FANCA: variants seen among roughly 807,000 people sequenced by gnomAD.
FANCA encodes Fanconi anemia group A protein.
A neutral mutation model predicts 194.3 loss-of-function variants in FANCA; 236 were observed. The ratio of observed to expected loss-of-function variants is 1.21; its 90% CI spans 1.09 to 1.35. The LOEUF (loss-of-function observed/expected upper bound fraction) is 1.35, where lower values mean the gene tolerates loss of function less well. Ranked by LOEUF, FANCA falls within the 40% of genes most tolerant of loss-of-function variation. The pLI is 0.00. For missense variants in FANCA, 2,628 were observed against 1,813.9 expected (o/e 1.45, Z -8.15); for synonymous variants, 1,014 against 715.8 (o/e 1.42, Z -6.65).
intron 29 of FANCA, among the ~76,000 whole-genome samples, chr16:89,760,934 C>A (rs1273641818): frequency 6.6e-6 from 1 of 152,134 alleles, no homozygotes; most frequent in East Asian, 1.9e-4. Flanking sequence ...GCAGCCATAG[C>A]CCAGCCAGGG....
chr16:89,805,778 T>TGTTG (rs148537207), intron 6 of FANCA, among the ~76,000 whole-genome samples: 2 of 97,178 alleles, frequency 2.1e-5, no homozygotes, highest in Non-Finnish European at 3.7e-5. Flanking sequence ...TGACTCATTA[T>TGTTG]GTTAACTTTC....
At chr16:89,770,528 G>A (rs754555851) in intron 24 of FANCA, 36 bp downstream of exon 24, 83 of 1,566,392 alleles carry the variant, frequency 5.3e-5, no homozygotes, top group African/African-American at 6.8e-5. Flanking sequence ...GCACCCAGAG[G>A]AGCCCCACCA....
intron 37 of FANCA, among the ~76,000 whole-genome samples, chr16:89,742,294 G>GA (rs1250804294): frequency 6.6e-6 from 1 of 151,678 alleles, no homozygotes; most frequent in Non-Finnish European, 1.5e-5. Flanking sequence ...CCCCATCTCA[G>GA]AAAAAATTAC....
chr16:89,812,962 G>A (rs1170797835), intron 3 of FANCA, among the ~76,000 whole-genome samples: 2 of 151,014 alleles, frequency 1.3e-5, no homozygotes, highest in Admixed American at 1.3e-4. Flanking sequence ...GAACCCAGGA[G>A]GCAGAGTTTG....
chr16:89,767,838 G>A (rs913301820), intron 26 of FANCA, among the ~76,000 whole-genome samples: 4 of 152,110 alleles, frequency 2.6e-5, no homozygotes, highest in Admixed American at 1.3e-4. Flanking sequence ...ATGAGTCACT[G>A]CAACCAGTCG....
At position 89,740,827 on chromosome 16, in the gene FANCA, G is replaced by A. The variant is rs757641646; in HGVS notation, c.3805C>T (p.Leu1269=). ...ACATTTGAGGTCAGATGTGACGACA[G>A]CAGGCCCATCAAGGAGAAGAAGAAA... ...FLFFFSLMGL[L]SSHLTSNSTT... Residue 1269 remains leucine (L), a synonymous_variant, in exon 38 of 43, where the codon CTG becomes TTG. Coordinates refer to ENST00000389301, the MANE Select transcript of FANCA (RefSeq NM_000135.4). 5 of 1,613,542 alleles carry A rather than the reference G, an allele frequency of 3.1e-6. No individual in the cohort carries two copies. In the South Asian group the frequency reaches 4.4e-5, roughly 14 times the overall value.
At chr16:89,774,501 C>T (rs1214462019) in intron 21 of FANCA, among the ~76,000 whole-genome samples, 6 of 151,850 alleles carry the variant, frequency 4.0e-5, no homozygotes, top group Admixed American at 2.0e-4. Flanking sequence ...GAGGCCGAGG[C>T]GGGTGGATCA....
intron 14 of FANCA, chr16:89,791,118 G>C (rs1396100274): frequency 2.1e-6 from 1 of 471,552 alleles, no homozygotes; most frequent in Non-Finnish European, 3.9e-6. Flanking sequence ...GACAGCAGGA[G>C]GCTCCGTCAA....
chr16:89,812,641 C>A (rs144800593), intron 3 of FANCA, among the ~76,000 whole-genome samples: 5 of 65,844 alleles, frequency 7.6e-5, no homozygotes, highest in Admixed American at 1.6e-4. Flanking sequence ...AGCAATACTC[C>A]GTCTCAAAAA....
intron 31 of FANCA, among the ~76,000 whole-genome samples, chr16:89,750,477 C>T (rs1248063568): frequency 8.7e-6 from 1 of 114,312 alleles, no homozygotes; most frequent in East Asian, 3.4e-4. Flanking sequence ...AGTGAGACTC[C>T]GTCTCAAAAA....
At chr16:89,805,662 C>T (rs1217960522) in intron 6 of FANCA, among the ~76,000 whole-genome samples, 1 of 152,138 alleles carries the variant, frequency 6.6e-6, no homozygotes, top group African/African-American at 2.4e-5. Context: ...ACTCAAACTC[C>T]CGGGCTCAAA....
chr16:89,779,034 G>A (rs370132366), intron 18 of FANCA, 31 bp from the exon 19 acceptor site: 18 of 1,608,938 alleles, frequency 1.1e-5, no homozygotes, highest in Non-Finnish European at 1.5e-5. Flanking sequence ...CAGTGCATCA[G>A]TCAGAGCAGC....
At chr16:89,762,076 C>G (rs17226841) in intron 28 of FANCA, 54 bp from the exon 29 acceptor site, 14 of 1,388,802 alleles carry the variant, frequency 1.0e-5, no homozygotes, top group Admixed American at 3.3e-5. Context: ...CACAATCCAC[C>G]GACAGGTTTA....
chr16:89,801,613 G>C (rs1198045414), intron 8 of FANCA, among the ~76,000 whole-genome samples: 1 of 152,156 alleles, frequency 6.6e-6, no homozygotes, highest in African/African-American at 2.4e-5. Context: ...ACTTTCACCA[G>C]GCATGGTGGA....
chr16:89,738,941 G>C lies in FANCA; in HGVS notation c.4201C>G (p.Leu1401Val), dbSNP rs566927763. The C allele has an allele frequency of 6.2e-7, 1 of 1,614,250 alleles. No individual in the cohort carries two copies. The highest frequency in any genetic ancestry group is 1.3e-5 in the African/African-American group (1 of 75,070). Residue 1401 changes from leucine (L) to valine (V), a missense_variant, in exon 42 of 43, where the codon CTT becomes GTT. By Grantham distance (32) the Leu-to-Val change is conservative. Coordinates refer to ENST00000389301, the MANE Select transcript of FANCA (RefSeq NM_000135.4). Reference protein sequence around the residue: ...NPVELITKARLFLLQLIPRCP... With the variant: ...NPVELITKARVFLLQLIPRCP... ...CGAGGTATTAACTGCAGCAGAAAAA[G>C]ACGAGCTTTTGTTATCAGTTCCACG...
intron 17 of FANCA, among the ~76,000 whole-genome samples, chr16:89,780,214 G>C (rs144976003): frequency 2.0e-5 from 3 of 152,052 alleles, no homozygotes; most frequent in Non-Finnish European, 2.9e-5. Context: ...GGCCCTCCTC[G>C]AGAGCTCAGC....
At chr16:89,794,830 C>A (rs963144084) in intron 11 of FANCA, among the ~76,000 whole-genome samples, 2 of 152,204 alleles carry the variant, frequency 1.3e-5, no homozygotes, top group Admixed American at 1.3e-4. Context: ...ACCCACTGGG[C>A]AGACGATGCC....
chr16:89,806,370 T>C (rs2040645790), intron 6 of FANCA, among the ~76,000 whole-genome samples: 1 of 143,678 alleles, frequency 7.0e-6, no homozygotes, highest in Admixed American at 6.9e-5. Flanking sequence ...TTTTTTTTAA[T>C]TGATCATTCT....
chr16:89,791,972 A>G lies in FANCA; in HGVS notation c.1180T>C (p.Ser394Pro). Reference protein sequence around the residue: ...VHWQRVLSFVSALVVCFPEAQ... With the variant: ...VHWQRVLSFVPALVVCFPEAQ... ...TCTGGAAAGCAGACAACCAGGGCAGACACAAAGGAGAGCACTCTCTGCCAG... is the reference window on the plus strand; with the variant it reads ...TCTGGAAAGCAGACAACCAGGGCAGGCACAAAGGAGAGCACTCTCTGCCAG... The change falls in exon 13 of 43, where the codon TCT (serine) becomes CCT (proline). Residue 394 changes from serine to proline, a missense_variant. Coordinates refer to ENST00000389301, the MANE Select transcript of FANCA (RefSeq NM_000135.4). 6.2e-7 allele frequency: 1 copy of G among 1,614,202 alleles called. No homozygotes were observed. The highest frequency in any genetic ancestry group is 2.2e-5 in the East Asian group (1 of 44,890).
Sources: allele counts gnomAD v4.1 joint callset (sites outside exome capture counted in the v4.1 genomes callset), GRCh38; gene constraint gnomAD v4.1.1; transcripts MANE v1.5; gene names NCBI Gene and HGNC (gene_info 2026-07-23, HGNC 2026-07-21).